The following TTYH2 variants were observed in gnomAD, a reference collection of about 807,000 sequenced individuals.
The protein encoded by TTYH2 is protein tweety homolog 2.
In TTYH2, 49 loss-of-function variants were observed where a neutral mutation model predicts 68.3. The ratio of observed to expected loss-of-function variants is 0.72; its 90% confidence interval spans 0.57 to 0.91. The LOEUF (loss-of-function observed/expected upper bound fraction) is 0.91. Ranked by LOEUF, TTYH2 falls within the 40% of genes least tolerant of loss-of-function variation. The pLI, the probability that TTYH2 is intolerant of heterozygous loss-of-function variation, is 0.00. For missense variants in TTYH2, 631 were observed against 700.4 expected (o/e 0.90, Z 1.12); for synonymous variants, 272 against 300.8 (o/e 0.90, Z 0.99).
intron 6 of TTYH2, chr17:74,248,099 A>C (rs931100702): frequency 2.3e-5 from 4 of 177,592 alleles, no homozygotes; most frequent in Non-Finnish European, 4.4e-5. Flanking sequence ...CTCCTGAAGG[A>C]GGACGGGGCC....
intron 13 of TTYH2, among the ~76,000 whole-genome samples, chr17:74,258,953 G>A (rs1000779289): frequency 5.3e-5 from 8 of 152,210 alleles, no homozygotes; most frequent in Admixed American, 2.0e-4. Context: ...GAAGCTTCCC[G>A]GGTCAGGAGA....
At chr17:74,244,214 A>G (rs1352583620) in intron 6 of TTYH2, 165 bp downstream of exon 6, 3 of 639,276 alleles carry the variant, frequency 4.7e-6, no homozygotes, top group African/African-American at 3.7e-5. Flanking sequence ...CTCGTTACAG[A>G]TGGGGAAACA....
chr17:74,230,333 G>A (rs1012873576), intron 2 of TTYH2, among the ~76,000 whole-genome samples: 3 of 151,662 alleles, frequency 2.0e-5, no homozygotes, highest in South Asian at 2.1e-4. Context: ...GGGCTCAAGC[G>A]ACCTATCCGC....
intron 3 of TTYH2, among the ~76,000 whole-genome samples, chr17:74,234,822 C>G (rs963928487): frequency 2.0e-5 from 3 of 152,154 alleles, no homozygotes; most frequent in Admixed American, 2.0e-4. Context: ...AGAAATGTCA[C>G]CTATTACTGG....
chr17:74,216,646 C>T (rs2050224338), intron 1 of TTYH2, among the ~76,000 whole-genome samples: 1 of 152,242 alleles, frequency 6.6e-6, no homozygotes, highest in Non-Finnish European at 1.5e-5. Flanking sequence ...GCCACTTGGC[C>T]TGTGTCACCA....
intron 2 of TTYH2, among the ~76,000 whole-genome samples, chr17:74,228,676 TGTTTGTA>T (rs2050356916): frequency 6.6e-6 from 1 of 151,472 alleles, no homozygotes; most frequent in African/African-American, 2.4e-5. Flanking sequence ...ATTCAGGGGC[TGTTTGTA>T]GACCACAAGA....
In TTYH2 at chr17:74,253,797, C is replaced by T. The variant is rs759988531; in HGVS notation, c.1488C>T (p.Asn496=). 2.7e-5 allele frequency: 43 copies of T among 1,614,124 alleles called. No individual in the cohort carries two copies. Among genetic ancestry groups the T allele is most frequent in the Admixed American group, 3.3e-5 (2 of 60,012 alleles). The change falls in exon 13 of 14, where the codon AAC becomes AAT. Residue 496 remains asparagine (N), a synonymous_variant. Transcript: ENST00000269346. ...TTGGTAGGAACCCACGCTACGAGAA[C>T]GTGCCACTAATCGGGAGAGCCTCCC... ...MLFGRNPRYE[N]VPLIGRASPP... is the part of the protein sequence containing the mutation.
chr17:74,224,490 G>C (rs1324485279), intron 2 of TTYH2, among the ~76,000 whole-genome samples: 1 of 152,204 alleles, frequency 6.6e-6, no homozygotes, highest in African/African-American at 2.4e-5. Context: ...AATGGCATGA[G>C]GAGTCAATTC....
chr17:74,225,485 A>G (rs1031210213), intron 2 of TTYH2, among the ~76,000 whole-genome samples: 3 of 152,188 alleles, frequency 2.0e-5, no homozygotes, highest in African/African-American at 7.2e-5. Flanking sequence ...CTCAAGTTGA[A>G]TGTAACCCAG....
chr17:74,234,580 T>C (rs1266156717), intron 3 of TTYH2, among the ~76,000 whole-genome samples: 1 of 152,226 alleles, frequency 6.6e-6, no homozygotes, highest in African/African-American at 2.4e-5. Flanking sequence ...AACAATTTTT[T>C]AGTTTTGTTT....
intron 3 of TTYH2, among the ~76,000 whole-genome samples, chr17:74,235,185 T>C (rs915865454): frequency 6.6e-6 from 1 of 152,192 alleles, no homozygotes; most frequent in African/African-American, 2.4e-5. Flanking sequence ...GTAGCGCAGA[T>C]GTAAAAGGCC....
chr17:74,215,505 C>T lies in TTYH2; in HGVS notation c.129+1789C>T. On this transcript the variant is annotated intron_variant, in intron 1 of 13. Transcript: ENST00000269346. The surrounding 1 kb of genome is among the most constrained non-coding windows in gnomAD (Gnocchi z 4.3). ...CCTCCTCCCAGGATTCTGGCCCCGG[C>T]TCACTTTGTGCTGGGCATCAAATGG... The T allele has an allele frequency of 1.1e-6, 1 of 886,126 alleles. No individual in the cohort carries two copies. The highest frequency in any genetic ancestry group is 1.7e-6 in the Non-Finnish European group (1 of 591,710). The allele number at this position is 886,126 out of a possible 1,614,324, so 54.9% of individuals were successfully genotyped here.
At chr17:74,227,049 A>G (rs1386731116) in intron 2 of TTYH2, among the ~76,000 whole-genome samples, 2 of 151,922 alleles carry the variant, frequency 1.3e-5, no homozygotes, top group Non-Finnish European at 2.9e-5. Flanking sequence ...ATCTCAGCTC[A>G]CTGCAACCTC....
intron 6 of TTYH2, chr17:74,248,494 C>G: frequency 2.0e-6 from 2 of 991,296 alleles, no homozygotes; most frequent in Non-Finnish European, 2.4e-6. Context: ...ACAGATGCTT[C>G]AGCACCAACC....
rs1245651491 is a variant in TTYH2 at position 74,239,400 on chromosome 17, C to T, written c.635+1886C>T. ...TGTCAGTTCTTTGGATCCCTCCCCGCACCCTCCATTTGTTGGCTCCTCTTC... is the reference window on the plus strand; with the variant it reads ...TGTCAGTTCTTTGGATCCCTCCCCGTACCCTCCATTTGTTGGCTCCTCTTC... On this transcript the variant is annotated intron_variant, in intron 4 of 13. Coordinates refer to ENST00000269346, the MANE Select transcript of TTYH2 (RefSeq NM_032646.6). The surrounding 1 kb of genome is among the most constrained non-coding windows in gnomAD (Gnocchi z 5.3). Among the ~76,000 whole-genome samples the T allele has an allele frequency of 6.6e-6, 1 of 152,200 alleles. No homozygotes were observed. Among genetic ancestry groups the T allele is most frequent in the African/African-American group, 2.4e-5 (1 of 41,450 alleles).
chr17:74,241,789 T>A lies in TTYH2; in HGVS notation c.636-1585T>A, dbSNP rs1412598251. Among the ~76,000 whole-genome samples, 1 of 152,204 alleles carries A rather than the reference T, an allele frequency of 6.6e-6. No homozygotes were observed. Among genetic ancestry groups the A allele is most frequent in the Non-Finnish European group, 1.5e-5 (1 of 68,032 alleles). On this transcript the variant is annotated intron_variant, in intron 4 of 13. Coordinates refer to ENST00000269346, the MANE Select transcript of TTYH2 (RefSeq NM_032646.6). The surrounding 1 kb of genome is among the most constrained non-coding windows in gnomAD (Gnocchi z 4.1). ...TTGGGGACGGGGAAGCCCCTGTCTC[T>A]GTGCCCGCCCCTCCTCTGTCCACTC...
chr17:74,252,552 C>G (rs890527531), intron 11 of TTYH2, among the ~76,000 whole-genome samples, 176 bp downstream of exon 11: 1 of 152,234 alleles, frequency 6.6e-6, no homozygotes, highest in Non-Finnish European at 1.5e-5. Context: ...CCCAAGAGTC[C>G]ACACAGACCC....
intron 13 of TTYH2, among the ~76,000 whole-genome samples, chr17:74,255,727 G>A (rs549828358): frequency 3.9e-5 from 6 of 152,198 alleles, no homozygotes; most frequent in South Asian, 2.1e-4. Flanking sequence ...ATGAGCCACC[G>A]TGCCCGGCCA....
chr17:74,234,131 C>T (rs539916310), intron 3 of TTYH2, among the ~76,000 whole-genome samples: 92 of 152,304 alleles, frequency 6.0e-4, no homozygotes, highest in African/African-American at 2.0e-3. Context: ...ACACTGATTG[C>T]AGGGCCCTGC....
Sources: gnomAD v4.1 joint callset for allele counts (sites outside exome capture counted in the v4.1 genomes callset) on GRCh38, gnomAD v4.1.1 for gene constraint, Gnocchi (gnomAD v3.1) non-coding constraint, MANE v1.5 for transcripts, NCBI Gene and HGNC (gene_info 2026-07-23, HGNC 2026-07-21) for gene names.